Variants in RBFOX1 observed in about 807,000 individuals in gnomAD.
RBFOX1 encodes the protein RNA binding protein fox-1 homolog 1.
RBFOX1 carries 8 observed loss-of-function variants against 57.7 expected under a neutral mutation model. That is an observed-to-expected ratio of 0.14 (90% CI 0.08 to 0.25). RBFOX1 has a LOEUF of 0.25. Ranked by LOEUF, RBFOX1 falls within the 10% of genes least tolerant of loss-of-function variation. The probability of loss-of-function intolerance (pLI) is 1.00; values close to 1 mark genes in which losing one functional copy is unlikely to be tolerated. For missense variants in RBFOX1, 611 were observed against 548.5 expected, an observed-to-expected ratio of 1.11 and a Z score of -1.14; for synonymous variants, 326 against 222.4, an observed-to-expected ratio of 1.47 and a Z score of -4.15.
intron 2 of RBFOX1, among the ~76,000 whole-genome samples, chr16:5,579,020 G>T (rs2046568731): frequency 6.6e-6 from 1 of 151,646 alleles, no homozygotes; most frequent in Non-Finnish European, 1.5e-5. Context: ...GCTAATTTTT[G>T]TATTTTTAGT....
intron 4 of RBFOX1, among the ~76,000 whole-genome samples, chr16:7,293,687 T>A (rs754452080): frequency 2.6e-4 from 40 of 152,038 alleles, no homozygotes; most frequent in Non-Finnish European, 4.1e-4. Context: ...TTTGCCGAGG[T>A]GAGATTTTTG....
intron 4 of RBFOX1, among the ~76,000 whole-genome samples, chr16:7,241,860 G>C (rs148200149): frequency 0.011 from 1,733 of 151,638 alleles, 35 homozygotes; most frequent in African/African-American, 0.04. Flanking sequence ...ATGTATATAA[G>C]TATATATGCA....
chr16:6,656,940 C>G (rs1603062320), intron 3 of RBFOX1, among the ~76,000 whole-genome samples: 1 of 70,372 alleles, frequency 1.4e-5, no homozygotes, highest in African/African-American at 5.5e-5. Flanking sequence ...CCCCTCTCCT[C>G]CCCTTTCCTC....
chr16:7,468,247 C>A (rs765318788), intron 4 of RBFOX1, among the ~76,000 whole-genome samples: 1 of 152,148 alleles, frequency 6.6e-6, no homozygotes, highest in Non-Finnish European at 1.5e-5. Flanking sequence ...CCCGCCCGAC[C>A]TTTACCATTG....
intron 1 of RBFOX1, among the ~76,000 whole-genome samples, chr16:6,139,567 A>C (rs1228495502): frequency 1.3e-5 from 2 of 152,218 alleles, no homozygotes; most frequent in African/African-American, 2.4e-5. Context: ...ATGGTGTTTG[A>C]AACAAAAAAA....
Position 5,568,219 on chromosome 16 carries a change from C to T in RBFOX1, c.259-30683C>T, listed in dbSNP as rs149448570. Among the ~76,000 whole-genome samples the T allele has an allele frequency of 8.2e-3, 1,246 of 152,306 alleles. 16 individuals are homozygous for T. Among genetic ancestry groups the T allele is most frequent in the African/African-American group, 0.029 (1,186 of 41,560 alleles). ...CCCCACCACACTGCACTTCAGGTTG[C>T]AGCGTATGGGGGCCTGTGCTGCATT... On this transcript the variant is annotated intron_variant, in intron 2 of 2. Coordinates refer to the RBFOX1 transcript ENST00000585867.
At chr16:7,638,623 G>T (rs1406714862) in intron 11 of RBFOX1, among the ~76,000 whole-genome samples, 2 of 151,834 alleles carry the variant, frequency 1.3e-5, no homozygotes, top group South Asian at 4.1e-4. Context: ...TCTGTAAAAG[G>T]CTGGATGTTA....
intron 1 of RBFOX1, among the ~76,000 whole-genome samples, chr16:5,256,349 C>G (rs1241961037): frequency 6.6e-6 from 1 of 152,110 alleles, no homozygotes; most frequent in East Asian, 1.9e-4. Context: ...TCCACCAGAT[C>G]TGGGAATGTC....
chr16:7,710,243 C>G (rs768307940), intron 15 of RBFOX1: 223 of 1,069,172 alleles, frequency 2.1e-4, no homozygotes, highest in Admixed American at 9.5e-4. Context: ...GCTTCAACAC[C>G]TAGTCCACAT....
At chr16:5,695,220 C>G (rs1374072686) in intron 3 of RBFOX1, among the ~76,000 whole-genome samples, 1 of 151,998 alleles carries the variant, frequency 6.6e-6, no homozygotes, top group Non-Finnish European at 1.5e-5. Context: ...ATTTTTTACT[C>G]TAATATTGAA....
rs562214115 is a variant in RBFOX1 at position 6,624,633 on chromosome 16, A to C, written c.-63-29970A>C. On this transcript the variant is annotated intron_variant, in intron 2 of 15. Transcript: ENST00000550418. Reference sequence around the variant, plus strand: ...CCACAGTGCAGCTGTGTTTTATATGAAAACAAATGGGGTTTTGTTGGGTAC... The same window carrying C: ...CCACAGTGCAGCTGTGTTTTATATGCAAACAAATGGGGTTTTGTTGGGTAC... 1.1e-4 allele frequency among the ~76,000 whole-genome samples: 17 copies of C among 152,266 alleles called. No homozygotes were observed. In the East Asian group the frequency reaches 3.3e-3, roughly 29 times the overall value.
intron 3 of RBFOX1, among the ~76,000 whole-genome samples, chr16:6,981,613 C>T (rs1328896349): frequency 6.6e-6 from 1 of 152,084 alleles, no homozygotes; most frequent in Non-Finnish European, 1.5e-5. Flanking sequence ...TGATGGGAGG[C>T]AAAGGAGGAG....
At chr16:5,326,301 GC>G (rs373864704) in intron 1 of RBFOX1, among the ~76,000 whole-genome samples, 142 of 152,278 alleles carry the variant, frequency 9.3e-4, no homozygotes, top group African/African-American at 3.3e-3. Context: ...GTATGTGGGA[GC>G]CAGGTAATTC....
intron 2 of RBFOX1, among the ~76,000 whole-genome samples, chr16:6,388,143 T>C (rs1195092485): frequency 6.6e-6 from 1 of 151,934 alleles, no homozygotes; most frequent in Non-Finnish European, 1.5e-5. Flanking sequence ...ATTTTTTGTA[T>C]TTTTAGTAGA....
At chr16:6,080,078 C>A (rs2152504669) in intron 1 of RBFOX1, among the ~76,000 whole-genome samples, 1 of 152,262 alleles carries the variant, frequency 6.6e-6, no homozygotes, top group African/African-American at 2.4e-5. Context: ...AGTATGTTTT[C>A]TAATGTACAG....
intron 3 of RBFOX1, among the ~76,000 whole-genome samples, chr16:5,689,185 A>G (rs1335778051): frequency 6.6e-6 from 1 of 152,222 alleles, no homozygotes; most frequent in Non-Finnish European, 1.5e-5. Context: ...GGGCAGCCAC[A>G]CAGGTGGTGC....
At chr16:7,688,834 A>G (rs1238787327) in intron 14 of RBFOX1, among the ~76,000 whole-genome samples, 2 of 151,538 alleles carry the variant, frequency 1.3e-5, no homozygotes, top group African/African-American at 4.9e-5. Flanking sequence ...CTTTCTCTCA[A>G]TTATTCTCAA....
At chr16:6,457,437 G>GT (rs2094801426) in intron 2 of RBFOX1, among the ~76,000 whole-genome samples, 2 of 36,218 alleles carry the variant, frequency 5.5e-5, no homozygotes, top group African/African-American at 2.2e-4. Flanking sequence ...ATTTCCGGAA[G>GT]TCCCCCCCCC....
At chr16:6,742,044 G>C (rs2072326291) in intron 3 of RBFOX1, among the ~76,000 whole-genome samples, 2 of 152,126 alleles carry the variant, frequency 1.3e-5, no homozygotes, top group South Asian at 4.1e-4. Context: ...TCATTAACTT[G>C]AGTTAGCCAT....
Sources: allele counts gnomAD v4.1 joint callset (sites outside exome capture counted in the v4.1 genomes callset), GRCh38; gene constraint gnomAD v4.1.1; transcripts MANE v1.5; gene names NCBI Gene and HGNC (gene_info 2026-07-23, HGNC 2026-07-21).